Variants in SLC71A2 observed in about 807,000 individuals in gnomAD.
The protein encoded by SLC71A2 is solute carrier family 71 member 2.
At chr9:94,383,900 G>T in the SLC71A2 span, among the ~76,000 whole-genome samples, 5 of 151,792 alleles carry the variant, frequency 3.3e-5, no homozygotes, top group African/African-American at 1.2e-4. Flanking sequence ...TATTGTAAAT[G>T]GTATCATTAC....
chr9:94,446,834 A>T, the SLC71A2 span: 1 of 1,594,272 alleles, frequency 6.3e-7, no homozygotes, highest in Non-Finnish European at 8.6e-7. Flanking sequence ...CGTTGAAGAA[A>T]GTTGGAAAAG....
At chr9:94,444,927 C>A in the SLC71A2 span, 1 of 1,599,554 alleles carries the variant, frequency 6.3e-7, no homozygotes, top group Non-Finnish European at 8.6e-7. Flanking sequence ...GAGGTGTTCA[C>A]CTATGGGACC....
chr9:94,400,238 G>A, the SLC71A2 span, among the ~76,000 whole-genome samples: 2 of 152,144 alleles, frequency 1.3e-5, no homozygotes, highest in Non-Finnish European at 2.9e-5. Context: ...GTAACTATGT[G>A]TGAGGAAAAC....
chr9:94,436,517 T>C, the SLC71A2 span, among the ~76,000 whole-genome samples: 1 of 152,246 alleles, frequency 6.6e-6, no homozygotes, highest in Non-Finnish European at 1.5e-5. Context: ...GCTTCTTTTA[T>C]ATAAAGTATT....
At chr9:94,382,875 A>C in the SLC71A2 span, among the ~76,000 whole-genome samples, 1 of 151,962 alleles carries the variant, frequency 6.6e-6, no homozygotes, top group Non-Finnish European at 1.5e-5. Context: ...TTGCAGTTTT[A>C]GTAGAGGCGG....
At chr9:94,389,791 A>G in the SLC71A2 span, among the ~76,000 whole-genome samples, 3 of 151,542 alleles carry the variant, frequency 2.0e-5, no homozygotes, top group East Asian at 5.9e-4. Context: ...TTTTTTTTGC[A>G]GAGATGGGGT....
the SLC71A2 span, among the ~76,000 whole-genome samples, chr9:94,452,601 A>G: frequency 3.4e-5 from 5 of 145,128 alleles, no homozygotes; most frequent in African/African-American, 1.3e-4. Flanking sequence ...CATCTCAAAA[A>G]AGAGAGAGGG....
the SLC71A2 span, among the ~76,000 whole-genome samples, chr9:94,421,882 A>G: frequency 6.6e-4 from 101 of 152,070 alleles, 1 homozygote; most frequent in Admixed American, 6.5e-3. Context: ...ATAGCAGACA[A>G]CACTTCACAT....
chr9:94,412,095 C>T, the SLC71A2 span, among the ~76,000 whole-genome samples: 1 of 152,068 alleles, frequency 6.6e-6, no homozygotes, highest in South Asian at 2.1e-4. Context: ...AGTTTACAAA[C>T]GTTTGAATTT....
chr9:94,390,765 C>CT, the SLC71A2 span, among the ~76,000 whole-genome samples: 136 of 152,244 alleles, frequency 8.9e-4, 1 homozygote, highest in African/African-American at 3.2e-3. Flanking sequence ...CATGAAACAA[C>CT]TTTTTTTGAT....
At chr9:94,427,862 G>A in the SLC71A2 span, among the ~76,000 whole-genome samples, 1 of 147,312 alleles carries the variant, frequency 6.8e-6, no homozygotes, top group Non-Finnish European at 1.5e-5. Context: ...AGTGGCTCAC[G>A]CCTGTAATCC....
chr9:94,450,693 G>T, the SLC71A2 span, among the ~76,000 whole-genome samples: 24 of 152,010 alleles, frequency 1.6e-4, no homozygotes, highest in Admixed American at 1.6e-3. Context: ...GTGTCGCCAT[G>T]TTGGTCAGGC....
chr9:94,417,162 A>G, the SLC71A2 span, among the ~76,000 whole-genome samples: 1 of 152,208 alleles, frequency 6.6e-6, no homozygotes, highest in East Asian at 1.9e-4. Flanking sequence ...ATATGAATAT[A>G]GATAAACCAA....
chr9:94,424,956 A>AACTC, the SLC71A2 span, among the ~76,000 whole-genome samples: 6 of 150,758 alleles, frequency 4.0e-5, no homozygotes, highest in Non-Finnish European at 8.8e-5. Context: ...GCTGGTCTTG[A>AACTC]ACTCCTGGTC....
chr9:94,441,782 A>G, the SLC71A2 span, among the ~76,000 whole-genome samples: 5 of 152,170 alleles, frequency 3.3e-5, no homozygotes, highest in African/African-American at 1.2e-4. Context: ...TCAAATCCAT[A>G]GTTGCTGAAT....
chr9:94,424,247 G>GC, the SLC71A2 span, among the ~76,000 whole-genome samples: 3 of 151,718 alleles, frequency 2.0e-5, no homozygotes, highest in African/African-American at 4.8e-5. Flanking sequence ...TTTGGCGGAG[G>GC]GGGGAGCAAT....
the SLC71A2 span, among the ~76,000 whole-genome samples, chr9:94,399,345 A>G: frequency 6.6e-6 from 1 of 152,120 alleles, no homozygotes; most frequent in Non-Finnish European, 1.5e-5. Flanking sequence ...GATGTGTCAC[A>G]CTAGATATGC....
the SLC71A2 span, among the ~76,000 whole-genome samples, chr9:94,377,443 C>T: frequency 4.3e-4 from 64 of 148,502 alleles, no homozygotes; most frequent in Middle Eastern, 3.4e-3. Flanking sequence ...AGTCATGGCT[C>T]ACTGCAGCCT....
At chr9:94,448,350 T>TA in the SLC71A2 span, among the ~76,000 whole-genome samples, 7 of 150,542 alleles carry the variant, frequency 4.6e-5, no homozygotes, top group Admixed American at 6.6e-5. Flanking sequence ...TTAAAGCAAT[T>TA]AAAAAAAAGA....
Sources: gnomAD v4.1 joint callset for allele counts (sites outside exome capture counted in the v4.1 genomes callset) on GRCh38, gnomAD v4.1.1 for gene constraint, MANE v1.5 for transcripts, NCBI Gene and HGNC (gene_info 2026-07-23, HGNC 2026-07-21) for gene names.